The following TMEM117 variants were observed in gnomAD, a reference collection of about 807,000 sequenced individuals.
The protein encoded by TMEM117 is transmembrane protein 117.
Under a neutral mutation model 52.4 loss-of-function variants are expected in TMEM117, and 27 were observed. The ratio of observed to expected loss-of-function variants is 0.51; its 90% CI spans 0.38 to 0.71. The LOEUF is 0.71. Among genes scored for constraint, TMEM117 ranks in the 30% least tolerant of loss-of-function variants. The probability of loss-of-function intolerance (pLI) is 0.00; values close to 1 mark genes in which losing one functional copy is unlikely to be tolerated. For synonymous variants in TMEM117, 215 were observed against 206.3 expected, an observed-to-expected ratio of 1.04 and a Z score of -0.36; for missense variants, 556 against 630.5, an observed-to-expected ratio of 0.88 and a Z score of 1.26.
chr12:44,102,958 A>T (rs1947888127), intron 3 of TMEM117, among the ~76,000 whole-genome samples: 2 of 151,900 alleles, frequency 1.3e-5, no homozygotes, highest in African/African-American at 4.8e-5. Flanking sequence ...CTGCCATGTG[A>T]AGAAGGACAT....
At chr12:44,349,588 C>A (rs1951534823) in intron 6 of TMEM117, among the ~76,000 whole-genome samples, 1 of 152,000 alleles carries the variant, frequency 6.6e-6, no homozygotes, top group African/African-American at 2.4e-5. Flanking sequence ...GTCTGTGTCA[C>A]TCCATGTGAG....
chr12:44,330,839 C>T (rs1592698238), intron 6 of TMEM117, among the ~76,000 whole-genome samples: 1 of 152,102 alleles, frequency 6.6e-6, no homozygotes, highest in East Asian at 1.9e-4. Flanking sequence ...TATGCACACT[C>T]ACACATGGAA....
At chr12:44,047,553 T>C (rs191663196) in intron 3 of TMEM117, among the ~76,000 whole-genome samples, 39 of 152,316 alleles carry the variant, frequency 2.6e-4, no homozygotes, top group Admixed American at 6.5e-4. Context: ...CTGTAGGGTG[T>C]ATTTTATTTT....
At chr12:44,105,330 A>G (rs961268953) in intron 3 of TMEM117, among the ~76,000 whole-genome samples, 4 of 151,910 alleles carry the variant, frequency 2.6e-5, no homozygotes, top group Non-Finnish European at 2.9e-5. Flanking sequence ...AATTATTTCT[A>G]TCTCTCTGCT....
At chr12:43,978,446 A>T (rs1321733681) in intron 3 of TMEM117, among the ~76,000 whole-genome samples, 1 of 152,200 alleles carries the variant, frequency 6.6e-6, no homozygotes, top group Non-Finnish European at 1.5e-5. Context: ...CTCTAACTTC[A>T]GCTCTCTGAA....
At chr12:44,219,835 T>C (rs17094300) in intron 5 of TMEM117, among the ~76,000 whole-genome samples, 15,770 of 152,148 alleles carry the variant, frequency 0.1, 927 homozygotes, top group Middle Eastern at 0.2. Flanking sequence ...CATTCCAGCA[T>C]TGGTTGCAAG....
chr12:44,391,203 A>T (rs1952160163), downstream of TMEM117, among the ~76,000 whole-genome samples: 1 of 152,160 alleles, frequency 6.6e-6, no homozygotes, highest in African/African-American at 2.4e-5. Flanking sequence ...TACATTTATA[A>T]AGTACTTCAT....
Position 44,160,893 on chromosome 12 carries a change from T to C in TMEM117, c.510+17269T>C, listed in dbSNP as rs539128760. On this transcript the variant is annotated intron_variant, in intron 4 of 7. Coordinates refer to ENST00000266534, the MANE Select transcript of TMEM117 (RefSeq NM_032256.3). ...TGCCATAGTAATTACAATAGTAATA[T>C]ACAAAATTTGAATCCATGTGCTAAA... 6.9e-4 allele frequency among the ~76,000 whole-genome samples: 105 copies of C among 152,344 alleles called. 1 individual carries two copies. Among genetic ancestry groups the C allele is most frequent in the African/African-American group, 2.3e-3 (97 of 41,584 alleles).
At chr12:44,249,458 C>T (rs922585111) in intron 5 of TMEM117, among the ~76,000 whole-genome samples, 4 of 152,056 alleles carry the variant, frequency 2.6e-5, no homozygotes, top group Non-Finnish European at 5.9e-5. Context: ...TCCAAACTAC[C>T]ATTGAAATTC....
chr12:44,388,284 T>C lies in TMEM117; in HGVS notation c.1157T>C (p.Ile386Thr), dbSNP rs769609027. The C allele has an allele frequency of 4.3e-6, 7 of 1,613,634 alleles. No homozygotes were observed. Among genetic ancestry groups the C allele is most frequent in the South Asian group, 1.1e-5 (1 of 91,080 alleles). ...GACATGTTCTTACACAGCAGGTTCA[T>C]AGGAGCCAGTCTTGATGTCAAGTGT... is the stretch of plus-strand genomic sequence containing the variant. The part of the protein sequence containing the change: ...EGDMFLHSRF[I>T]GASLDVKCLA... The change falls in exon 8 of 8, where the codon ATA becomes ACA. Residue 386 changes from isoleucine (I) to threonine (T), a missense_variant. Ile to Thr is a moderately conservative substitution (Grantham distance 89). Coordinates refer to ENST00000266534, the MANE Select transcript of TMEM117 (RefSeq NM_032256.3).
chr12:44,110,244 G>T (rs1948035326), intron 3 of TMEM117, among the ~76,000 whole-genome samples: 1 of 150,076 alleles, frequency 6.7e-6, no homozygotes, highest in South Asian at 2.1e-4. Context: ...CCAACACTAT[G>T]TTGAATAGGA....
chr12:43,834,119 T>C (rs73280475), upstream of TMEM117, among the ~76,000 whole-genome samples: 635 of 152,242 alleles, frequency 4.2e-3, 6 homozygotes, highest in African/African-American at 0.015. Context: ...ATAAAAGAAA[T>C]AAATTACAGA....
intron 2 of TMEM117, among the ~76,000 whole-genome samples, chr12:43,864,822 T>C (rs1943557281): frequency 6.6e-6 from 1 of 152,216 alleles, no homozygotes; most frequent in Non-Finnish European, 1.5e-5. Flanking sequence ...AACTTTGTTC[T>C]TTTGCTGTTT....
At chr12:44,062,995 C>T (rs765371383) in intron 3 of TMEM117, among the ~76,000 whole-genome samples, 1 of 152,110 alleles carries the variant, frequency 6.6e-6, no homozygotes, top group Non-Finnish European at 1.5e-5. Flanking sequence ...CATTAACTCT[C>T]GGCCTCATGG....
intron 3 of TMEM117, among the ~76,000 whole-genome samples, chr12:44,033,702 A>G (rs1946668841): frequency 6.6e-6 from 1 of 152,212 alleles, no homozygotes; most frequent in Admixed American, 6.5e-5. Flanking sequence ...CCTTCAGTAG[A>G]AAAAATCTTC....
chr12:43,958,696 C>T (rs1181198828), intron 3 of TMEM117, among the ~76,000 whole-genome samples: 1 of 152,100 alleles, frequency 6.6e-6, no homozygotes, highest in Non-Finnish European at 1.5e-5. Context: ...GGTGAGTACC[C>T]TCAGTAAGTG....
At position 43,949,419 on chromosome 12, in the gene TMEM117, C is replaced by T. The variant is rs367916899; in HGVS notation, c.410+5077C>T. On this transcript the variant is annotated intron_variant, in intron 3 of 7. Coordinates refer to ENST00000266534, the MANE Select transcript of TMEM117 (RefSeq NM_032256.3). ...GCCTGCCAGCACTTGGGAGGTGCTGCATGTGCAGTGTGTTTACTGAAGTTG... is the reference window on the plus strand; with the variant it reads ...GCCTGCCAGCACTTGGGAGGTGCTGTATGTGCAGTGTGTTTACTGAAGTTG... Among the ~76,000 whole-genome samples, 21 of 152,292 alleles carry T rather than the reference C, an allele frequency of 1.4e-4. No homozygotes were observed. In the South Asian group the frequency reaches 3.9e-3, roughly 29 times the overall value.
chr12:44,016,947 A>T (rs1946381773), intron 3 of TMEM117, among the ~76,000 whole-genome samples: 1 of 152,210 alleles, frequency 6.6e-6, no homozygotes, highest in African/African-American at 2.4e-5. Flanking sequence ...ATATAAATTG[A>T]TAAATTATAT....
At chr12:44,110,221 C>T (rs1438784920) in intron 3 of TMEM117, among the ~76,000 whole-genome samples, 2 of 148,134 alleles carry the variant, frequency 1.4e-5, no homozygotes, top group East Asian at 4.0e-4. Context: ...CCTGATTGCC[C>T]TGGCCAGAAC....
Sources: gnomAD v4.1 joint callset for allele counts (sites outside exome capture counted in the v4.1 genomes callset) on GRCh38, gnomAD v4.1.1 for gene constraint, MANE v1.5 for transcripts, NCBI Gene and HGNC (gene_info 2026-07-23, HGNC 2026-07-21) for gene names.